The following DNAH7 variants were observed in gnomAD, a reference collection of about 807,000 sequenced individuals.
The protein encoded by DNAH7 is axonemal beta dynein heavy chain 7.
A neutral mutation model predicts 444.6 loss-of-function variants in DNAH7; 397 were observed. The ratio of observed to expected loss-of-function variants is 0.89; its 90% CI spans 0.82 to 0.97. The LOEUF is 0.97. DNAH7 is among the 50% of genes least tolerant of loss of function. DNAH7 has a pLI of 0.00. For missense variants in DNAH7, 4,902 were observed against 4,800.8 expected (o/e 1.02, Z -0.62); for synonymous variants, 1,636 against 1,624.4 (o/e 1.01, Z -0.17).
rs188988982 is a variant in DNAH7, at chr2:195,886,535, G to T, written c.5407-263C>A. Among the ~76,000 whole-genome samples the T allele has an allele frequency of 1.9e-3, 287 of 152,250 alleles. 3 individuals carry two copies. The highest frequency in any genetic ancestry group is 6.8e-3 in the African/African-American group (283 of 41,554). ...ACGTGTGCAGTTAATTTAAGATATGGATTCCATGGTATACTAATTTTATAA... is the reference window on the plus strand; with the variant it reads ...ACGTGTGCAGTTAATTTAAGATATGTATTCCATGGTATACTAATTTTATAA... On this transcript the variant is annotated intron_variant, in intron 33 of 64. Coordinates refer to ENST00000312428, the MANE Select transcript of DNAH7 (RefSeq NM_018897.3).
chr2:196,043,475 T>C (rs568600436), intron 5 of DNAH7, among the ~76,000 whole-genome samples: 1 of 152,006 alleles, frequency 6.6e-6, no homozygotes, highest in African/African-American at 2.4e-5. Flanking sequence ...GAAGATTACA[T>C]CAGAAAAACT....
At chr2:195,748,402 T>C (rs1008485777) in intron 63 of DNAH7, among the ~76,000 whole-genome samples, 12 of 152,288 alleles carry the variant, frequency 7.9e-5, no homozygotes, top group Non-Finnish European at 1.6e-4. Flanking sequence ...TGAAAATGGC[T>C]GTACTGCCCA....
chr2:195,858,530 C>T lies in DNAH7; in HGVS notation c.8011G>A (p.Gly2671Ser). ...IKDECDADLAGALPILESALA... is the reference protein window; with the variant it reads ...IKDECDADLASALPILESALA... Reference sequence around the variant, plus strand: ...GCTGACTCTAATATTGGCAAGGCACCTGCCAGGTCAGCATCGCACTCATCT... The same window carrying T: ...GCTGACTCTAATATTGGCAAGGCACTTGCCAGGTCAGCATCGCACTCATCT... Residue 2671 changes from glycine (G) to serine (S), a missense_variant, in exon 43 of 65, where the codon GGT becomes AGT. Coordinates refer to ENST00000312428, the MANE Select transcript of DNAH7 (RefSeq NM_018897.3). 5 of 1,613,642 alleles carry T rather than the reference C, an allele frequency of 3.1e-6. No homozygotes were observed. Among genetic ancestry groups the T allele is most frequent in the Non-Finnish European group, 4.2e-6 (5 of 1,179,848 alleles).
At chr2:195,746,356 G>A (rs540399601) in intron 63 of DNAH7, among the ~76,000 whole-genome samples, 2 of 152,052 alleles carry the variant, frequency 1.3e-5, no homozygotes, top group Non-Finnish European at 2.9e-5. Flanking sequence ...AGCAAGTCCT[G>A]AGTGACCTAC....
rs762135541 is a variant in DNAH7, at chr2:195,738,147, A to G, written c.11869-20T>C. 4.4e-6 allele frequency: 7 copies of G among 1,602,994 alleles called. No individual in the cohort carries two copies. The South Asian group carries it at 7.7e-5, about 18-fold the overall frequency. On this transcript the variant is annotated intron_variant, in intron 64 of 64. Transcript: ENST00000312428. Reference sequence around the variant, plus strand: ...CCACATCTGGAAGAAAGTACATAACACCTCTTTAAGTCAAGGCTGTTTGTT... The same window carrying G: ...CCACATCTGGAAGAAAGTACATAACGCCTCTTTAAGTCAAGGCTGTTTGTT...
At chr2:196,068,270 TAAGAGGTGGGAG>T (rs1698538291) in intron 1 of DNAH7, 1 of 209,808 alleles carries the variant, frequency 4.8e-6, no homozygotes, top group East Asian at 1.1e-4. Context: ...CCGCTCTGCA[TAAGAGGTGGGAG>T]AACTAAGGCT....
intron 61 of DNAH7, among the ~76,000 whole-genome samples, chr2:195,769,928 TC>T (rs1218207001): frequency 6.6e-6 from 1 of 152,174 alleles, no homozygotes; most frequent in African/African-American, 2.4e-5. Flanking sequence ...CAACTCGACC[TC>T]CCCATTGAGT....
chr2:195,868,215 CCTCT>C (rs1462010091), intron 40 of DNAH7, among the ~76,000 whole-genome samples: 1 of 150,978 alleles, frequency 6.6e-6, no homozygotes, highest in African/African-American at 2.4e-5. Context: ...CCTGCCTCAG[CCTCT>C]CTGAGTAGCT....
At chr2:195,752,425 G>T (rs1364748011) in intron 63 of DNAH7, among the ~76,000 whole-genome samples, 2 of 152,116 alleles carry the variant, frequency 1.3e-5, no homozygotes, top group Non-Finnish European at 2.9e-5. Flanking sequence ...ACATATTCAG[G>T]AGATACCAAA....
chr2:195,878,353 T>C (rs1701175577), intron 36 of DNAH7, among the ~76,000 whole-genome samples: 1 of 152,156 alleles, frequency 6.6e-6, no homozygotes, highest in African/African-American at 2.4e-5. Context: ...CAGCCTGTAA[T>C]CCCAGCACTT....
At chr2:195,785,550 T>C (rs542849387) in intron 58 of DNAH7, among the ~76,000 whole-genome samples, 2 of 151,966 alleles carry the variant, frequency 1.3e-5, no homozygotes, top group East Asian at 3.9e-4. Flanking sequence ...TTTAATCAAG[T>C]TGAGGATGCT....
At chr2:195,854,153 C>A (rs922843071) in intron 45 of DNAH7, among the ~76,000 whole-genome samples, 4 of 152,068 alleles carry the variant, frequency 2.6e-5, no homozygotes, top group Admixed American at 2.6e-4. Flanking sequence ...ACAAAGGTGG[C>A]AAACTTGGTG....
intron 5 of DNAH7, among the ~76,000 whole-genome samples, chr2:196,038,701 G>A (rs1318192832): frequency 2.0e-5 from 3 of 152,090 alleles, no homozygotes; most frequent in African/African-American, 7.2e-5. Context: ...TTCACTTTTA[G>A]TCCATGTGTG....
chr2:195,806,202 T>C (rs1428503441), intron 54 of DNAH7, among the ~76,000 whole-genome samples: 1 of 152,202 alleles, frequency 6.6e-6, no homozygotes, highest in Non-Finnish European at 1.5e-5. Context: ...TGTTAATGAA[T>C]ACTGACATTT....
chr2:195,802,619 A>G (rs897204213), intron 54 of DNAH7, among the ~76,000 whole-genome samples: 1 of 152,116 alleles, frequency 6.6e-6, no homozygotes, highest in African/African-American at 2.4e-5. Flanking sequence ...CACTGAGAGG[A>G]GATGGTGCCA....
chr2:195,958,219 C>A (rs928157154), intron 18 of DNAH7, among the ~76,000 whole-genome samples: 1 of 152,060 alleles, frequency 6.6e-6, no homozygotes, highest in African/African-American at 2.4e-5. Context: ...AGACCAACCC[C>A]TCCTCTTCCT....
At chr2:195,830,137 T>C (rs575118156) in intron 48 of DNAH7, among the ~76,000 whole-genome samples, 1 of 152,314 alleles carries the variant, frequency 6.6e-6, no homozygotes, top group African/African-American at 2.4e-5. Context: ...TTCATGTTTC[T>C]ATCATCAAGA....
At chr2:195,880,099 C>T (rs1701288331) in intron 36 of DNAH7, among the ~76,000 whole-genome samples, 1 of 151,890 alleles carries the variant, frequency 6.6e-6, no homozygotes, top group Non-Finnish European at 1.5e-5. Flanking sequence ...AATTGTAACC[C>T]TATATTTGTA....
At chr2:195,814,252 T>C (rs1697116881) in intron 51 of DNAH7, among the ~76,000 whole-genome samples, 1 of 152,222 alleles carries the variant, frequency 6.6e-6, no homozygotes, top group African/African-American at 2.4e-5. Flanking sequence ...GGTTCCAAAA[T>C]TATACTTTTA....
Sources: allele counts gnomAD v4.1 joint callset (sites outside exome capture counted in the v4.1 genomes callset), GRCh38; gene constraint gnomAD v4.1.1; transcripts MANE v1.5; gene names NCBI Gene and HGNC (gene_info 2026-07-23, HGNC 2026-07-21).